ADAMTSL1: variants seen among roughly 807,000 people sequenced by gnomAD.
The protein encoded by ADAMTSL1 is ADAMTS like 1, also known as ADAMTS-like protein 1.
ADAMTSL1 carries 126 observed loss-of-function variants against 201.8 expected under a neutral mutation model. That is an observed-to-expected ratio of 0.62 (90% CI 0.54 to 0.72). ADAMTSL1 has a LOEUF of 0.72. Among genes scored for constraint, ADAMTSL1 ranks in the 30% least tolerant of loss-of-function variants. The pLI is 0.00. For synonymous variants in ADAMTSL1, 1,121 were observed against 903.4 expected (o/e 1.24, Z -4.32); for missense variants, 2,679 against 2,277.8 (o/e 1.18, Z -3.59).
At chr9:18,183,337 A>G (rs1249634823) in intron 2 of ADAMTSL1, among the ~76,000 whole-genome samples, 2 of 152,232 alleles carry the variant, frequency 1.3e-5, no homozygotes, top group Non-Finnish European at 2.9e-5. Context: ...TGTTTTATAT[A>G]GAACACCAAA....
At chr9:18,329,100 G>A (rs995069988) in intron 2 of ADAMTSL1, among the ~76,000 whole-genome samples, 2 of 152,066 alleles carry the variant, frequency 1.3e-5, no homozygotes, top group Non-Finnish European at 2.9e-5. Flanking sequence ...GGTCGTGAGG[G>A]TAGAGCCCTC....
chr9:18,859,459 C>T (rs1176010458), intron 23 of ADAMTSL1, among the ~76,000 whole-genome samples: 1 of 152,138 alleles, frequency 6.6e-6, no homozygotes, highest in Admixed American at 6.5e-5. Context: ...TTGCAAAGTC[C>T]CTTTTGTCAT....
At chr9:18,356,651 A>G (rs1836255540) in intron 2 of ADAMTSL1, among the ~76,000 whole-genome samples, 3 of 148,426 alleles carry the variant, frequency 2.0e-5, no homozygotes, top group African/African-American at 7.4e-5. Flanking sequence ...TTCCTACTTC[A>G]TTTTGCACTA....
intron 2 of ADAMTSL1, among the ~76,000 whole-genome samples, chr9:18,193,735 C>A (rs1341777932): frequency 6.6e-6 from 1 of 152,144 alleles, no homozygotes; most frequent in Non-Finnish European, 1.5e-5. Flanking sequence ...ATTTTCCTTT[C>A]ACTGGGTCCC....
At chr9:18,068,957 G>A (rs1822833068) in intron 1 of ADAMTSL1, among the ~76,000 whole-genome samples, 1 of 152,050 alleles carries the variant, frequency 6.6e-6, no homozygotes, top group Non-Finnish European at 1.5e-5. Context: ...TGGTCCTTGA[G>A]GTAAAGGTAT....
At chr9:18,695,806 T>C (rs1185580720) in intron 13 of ADAMTSL1, among the ~76,000 whole-genome samples, 2 of 152,224 alleles carry the variant, frequency 1.3e-5, no homozygotes, top group Admixed American at 6.5e-5. Flanking sequence ...GCCCCACTTC[T>C]TGATAGCCAT....
intron 4 of ADAMTSL1, among the ~76,000 whole-genome samples, chr9:18,603,600 A>G (rs1280712354): frequency 6.6e-6 from 1 of 152,172 alleles, no homozygotes; most frequent in Non-Finnish European, 1.5e-5. Flanking sequence ...CCCACATAGC[A>G]GATGTTTACT....
chr9:18,095,596 G>C (rs185236812), intron 1 of ADAMTSL1, among the ~76,000 whole-genome samples: 5 of 151,540 alleles, frequency 3.3e-5, no homozygotes. Context: ...CTAATTTTTT[G>C]TATTTTTAGT....
At chr9:18,310,866 A>G (rs1164292038) in intron 2 of ADAMTSL1, among the ~76,000 whole-genome samples, 1 of 152,210 alleles carries the variant, frequency 6.6e-6, no homozygotes, top group East Asian at 1.9e-4. Context: ...ATATACCCAA[A>G]GGATTATAAA....
At chr9:18,145,995 A>G (rs1443715970) in intron 1 of ADAMTSL1, among the ~76,000 whole-genome samples, 1 of 152,186 alleles carries the variant, frequency 6.6e-6, no homozygotes, top group Admixed American at 6.5e-5. Context: ...GTTCAACATA[A>G]TCTATCACTA....
At chr9:18,733,626 A>C (rs1818339225) in intron 15 of ADAMTSL1, among the ~76,000 whole-genome samples, 1 of 121,442 alleles carries the variant, frequency 8.2e-6, no homozygotes, top group African/African-American at 3.1e-5. Context: ...CGACACCACC[A>C]CTCCCCCCAC....
At chr9:18,051,612 G>C (rs549072653) in intron 1 of ADAMTSL1, among the ~76,000 whole-genome samples, 1 of 151,720 alleles carries the variant, frequency 6.6e-6, no homozygotes, top group Non-Finnish European at 1.5e-5. Flanking sequence ...ATACAGTTAG[G>C]CTATTCATTT....
At chr9:18,111,903 C>T (rs1195016565) in intron 1 of ADAMTSL1, among the ~76,000 whole-genome samples, 1 of 152,048 alleles carries the variant, frequency 6.6e-6, no homozygotes, top group African/African-American at 2.4e-5. Context: ...GGATTAATAG[C>T]TAGTTAGAAA....
chr9:18,684,753 A>T lies in ADAMTSL1; in HGVS notation c.1527A>T (p.Lys509Asn). 6.2e-7 allele frequency: 1 copy of T among 1,613,224 alleles called. No homozygotes were observed. The highest frequency in any genetic ancestry group is 8.5e-7 in the Non-Finnish European group (1 of 1,179,728). ...LPVEAKLPWF[K>N]QAQELEEGAA... ...TCGAGGCCAAGTTGCCATGGTTCAA[A>T]CAAGCTCAAGAGCTAGAAGAAGGAG... The change falls in exon 13 of 29, where the codon AAA becomes AAT. Residue 509 changes from lysine (K) to asparagine (N), a missense_variant. Coordinates refer to ENST00000380548, the MANE Select transcript of ADAMTSL1 (RefSeq NM_001040272.6).
At chr9:18,155,955 T>C (rs1317823200) in intron 1 of ADAMTSL1, among the ~76,000 whole-genome samples, 1 of 152,042 alleles carries the variant, frequency 6.6e-6, no homozygotes, top group East Asian at 1.9e-4. Flanking sequence ...AGCTATCAGA[T>C]TGCAGTGCAT....
chr9:18,127,258 C>G (rs1825767987), intron 1 of ADAMTSL1, among the ~76,000 whole-genome samples: 1 of 152,046 alleles, frequency 6.6e-6, no homozygotes, highest in African/African-American at 2.4e-5. Context: ...GCCTTCATAG[C>G]ATAGAGAAAT....
intron 2 of ADAMTSL1, among the ~76,000 whole-genome samples, chr9:18,466,994 C>G (rs1183787397): frequency 1.3e-5 from 2 of 152,090 alleles, no homozygotes; most frequent in Non-Finnish European, 2.9e-5. Flanking sequence ...ATTTGCTTTT[C>G]TTTTTCTCTA....
chr9:18,615,021 A>T (rs1825610540), intron 4 of ADAMTSL1, among the ~76,000 whole-genome samples: 1 of 152,194 alleles, frequency 6.6e-6, no homozygotes, highest in Non-Finnish European at 1.5e-5. Flanking sequence ...TAAATACAGT[A>T]AGGGTCAGGA....
At chr9:18,438,064 G>T (rs559699176) in intron 2 of ADAMTSL1, among the ~76,000 whole-genome samples, 2 of 152,172 alleles carry the variant, frequency 1.3e-5, no homozygotes, top group East Asian at 3.9e-4. Flanking sequence ...TTTTGTTAAC[G>T]CGTGCTTGAT....
Sources: gnomAD v4.1 joint callset for allele counts (sites outside exome capture counted in the v4.1 genomes callset) on GRCh38, gnomAD v4.1.1 for gene constraint, MANE v1.5 for transcripts, NCBI Gene and HGNC (gene_info 2026-07-23, HGNC 2026-07-21) for gene names.